The following PPFIA2 variants were observed in gnomAD, a reference collection of about 807,000 sequenced individuals.
PPFIA2 encodes the protein PPFI scaffold protein A2.
In PPFIA2, 46 loss-of-function variants were observed where a neutral mutation model predicts 175.5. The observed-to-expected ratio is 0.26, with a 90% confidence interval of 0.21 to 0.34. The LOEUF is 0.34. PPFIA2 is among the 10% of genes least tolerant of loss of function. PPFIA2 has a pLI of 1.00. For missense variants in PPFIA2, 1,179 were observed against 1,506.1 expected, an observed-to-expected ratio of 0.78 and a Z score of 3.60; for synonymous variants, 568 against 511.4, an observed-to-expected ratio of 1.11 and a Z score of -1.49.
chr12:81,359,153 T>C (rs2061275318), intron 15 of PPFIA2, among the ~76,000 whole-genome samples: 3 of 152,054 alleles, frequency 2.0e-5, no homozygotes, highest in African/African-American at 7.2e-5. Context: ...TTAAAGCTGT[T>C]AGTTCTATTG....
chr12:81,268,722 T>C, intron 28 of PPFIA2, among the ~76,000 whole-genome samples: 1 of 152,240 alleles, frequency 6.6e-6, no homozygotes, highest in East Asian at 1.9e-4. Flanking sequence ...TCAATATTTT[T>C]ACCATCAGAG....
At chr12:81,309,937 C>T (rs2050348637) in intron 22 of PPFIA2, among the ~76,000 whole-genome samples, 2 of 152,016 alleles carry the variant, frequency 1.3e-5, no homozygotes, top group Admixed American at 1.3e-4. Context: ...ATGAGAGGGG[C>T]TTATATTCCT....
At chr12:81,451,466 C>T (rs2145564715) in intron 5 of PPFIA2, among the ~76,000 whole-genome samples, 1 of 152,220 alleles carries the variant, frequency 6.6e-6, no homozygotes, top group South Asian at 2.1e-4. Context: ...GTTTCTGGGA[C>T]TGGGCTTGTG....
At chr12:81,460,452 T>C (rs2054328799) in intron 4 of PPFIA2, among the ~76,000 whole-genome samples, 2 of 152,082 alleles carry the variant, frequency 1.3e-5, no homozygotes, top group Admixed American at 1.3e-4. Context: ...GAAAAAGAAC[T>C]AACACAACTA....
chr12:81,520,409 T>G (rs1248266604), intron 4 of PPFIA2, among the ~76,000 whole-genome samples: 2 of 152,192 alleles, frequency 1.3e-5, no homozygotes, highest in Non-Finnish European at 2.9e-5. Context: ...TTTAATATTT[T>G]TGAGCCGTAC....
chr12:81,562,435 A>T (rs555018857), intron 4 of PPFIA2, among the ~76,000 whole-genome samples: 1 of 152,234 alleles, frequency 6.6e-6, no homozygotes. Context: ...TTCTACAGAT[A>T]GTCACAGAGA....
intron 4 of PPFIA2, among the ~76,000 whole-genome samples, chr12:81,501,326 C>T (rs986435820): frequency 3.9e-5 from 6 of 152,058 alleles, no homozygotes; most frequent in African/African-American, 1.2e-4. Flanking sequence ...ATTTAGATGC[C>T]CCCTTCTCAT....
chr12:81,527,531 T>C (rs1209113602), intron 4 of PPFIA2, among the ~76,000 whole-genome samples: 1 of 152,140 alleles, frequency 6.6e-6, no homozygotes, highest in African/African-American at 2.4e-5. Flanking sequence ...CATAGTTCCT[T>C]CTTTACTTCC....
chr12:81,410,240 C>T (rs932603882), intron 7 of PPFIA2, among the ~76,000 whole-genome samples: 1 of 152,108 alleles, frequency 6.6e-6, no homozygotes, highest in Non-Finnish European at 1.5e-5. Flanking sequence ...GTCACAGCAG[C>T]ACAAATGGAC....
intron 22 of PPFIA2, chr12:81,302,218 G>T (rs1232514207): frequency 2.5e-6 from 1 of 403,686 alleles, no homozygotes; most frequent in Non-Finnish European, 4.9e-6. Context: ...GTATTTTAAA[G>T]AACAAATTTT....
At chr12:81,683,781 A>G (rs1255459097) in intron 3 of PPFIA2, among the ~76,000 whole-genome samples, 1 of 152,052 alleles carries the variant, frequency 6.6e-6, no homozygotes, top group Non-Finnish European at 1.5e-5. Context: ...AATAAAAATT[A>G]AATAAAGAAA....
At chr12:81,299,172 A>C in intron 23 of PPFIA2, 129 bp downstream of exon 23, 3 of 1,234,904 alleles carry the variant, frequency 2.4e-6, no homozygotes, top group Middle Eastern at 2.1e-4. Flanking sequence ...CTAGTAAGCA[A>C]ATAGTCCCTT....
chr12:81,325,331 A>G (rs979594382), intron 22 of PPFIA2, among the ~76,000 whole-genome samples: 1 of 152,078 alleles, frequency 6.6e-6, no homozygotes, highest in Non-Finnish European at 1.5e-5. Context: ...CAGATGCAAA[A>G]CAATCTGCTC....
intron 4 of PPFIA2, among the ~76,000 whole-genome samples, chr12:81,611,744 G>A (rs138008602): frequency 0.01 from 1,579 of 152,212 alleles, 30 homozygotes; most frequent in African/African-American, 0.033. Flanking sequence ...AGTGATGGGC[G>A]TTTATGGCTG....
intron 3 of PPFIA2, among the ~76,000 whole-genome samples, chr12:81,712,685 T>C (rs1412204435): frequency 1.3e-5 from 2 of 151,106 alleles, no homozygotes; most frequent in Non-Finnish European, 2.9e-5. Flanking sequence ...CCTTACTGGG[T>C]GACTCAGCCC....
chr12:81,645,218 A>T (rs2065898156), intron 4 of PPFIA2, among the ~76,000 whole-genome samples: 2 of 151,960 alleles, frequency 1.3e-5, no homozygotes, highest in African/African-American at 4.8e-5. Context: ...AAGGAGAAGA[A>T]AGAGAAAGAA....
Position 81,651,916 on chromosome 12 carries a change from G to A in PPFIA2, c.303+24875C>T, listed in dbSNP as rs114538563. Reference sequence around the variant, plus strand: ...CCCTTGTGATTAATTACAAAGAGGAGTTTCCACAGTTGACAGTTTTGACCA... The same window carrying A: ...CCCTTGTGATTAATTACAAAGAGGAATTTCCACAGTTGACAGTTTTGACCA... On this transcript the variant is annotated intron_variant, in intron 4 of 32. Coordinates refer to ENST00000549396, the MANE Select transcript of PPFIA2 (RefSeq NM_003625.5). Among the ~76,000 whole-genome samples, 682 of 152,096 alleles carry A rather than the reference G, an allele frequency of 4.5e-3. 9 individuals are homozygous for A. The highest frequency in any genetic ancestry group is 0.015 in the African/African-American group (640 of 41,508).
intron 22 of PPFIA2, 128 bp from the exon 23 acceptor site, chr12:81,299,510 C>G (rs2047299975): frequency 8.0e-7 from 1 of 1,245,438 alleles, no homozygotes. Context: ...TATAGAATAA[C>G]AGAATTCCTT....
intron 3 of PPFIA2, among the ~76,000 whole-genome samples, chr12:81,726,504 T>G (rs898727846): frequency 6.6e-6 from 1 of 151,266 alleles, no homozygotes; most frequent in African/African-American, 2.4e-5. Flanking sequence ...CTTGAGCTAC[T>G]GAAAACTTGC....
Sources: allele counts gnomAD v4.1 joint callset (sites outside exome capture counted in the v4.1 genomes callset), GRCh38; gene constraint gnomAD v4.1.1; transcripts MANE v1.5; gene names NCBI Gene and HGNC (gene_info 2026-07-23, HGNC 2026-07-21).